OTOGL: variants seen among roughly 807,000 people sequenced by gnomAD.
OTOGL encodes the protein otogelin like.
Under a neutral mutation model 318.5 loss-of-function variants are expected in OTOGL, and 285 were observed. That is an observed-to-expected ratio of 0.89 (90% CI 0.81 to 0.99). The LOEUF (loss-of-function observed/expected upper bound fraction) is 0.99. Ranked by LOEUF, OTOGL falls within the 50% of genes least tolerant of loss-of-function variation. The pLI is 0.00. For synonymous variants in OTOGL, 987 were observed against 936.5 expected, an observed-to-expected ratio of 1.05 and a Z score of -0.99; for missense variants, 2,899 against 2,845.6, an observed-to-expected ratio of 1.02 and a Z score of -0.43.
chr12:80,350,419 G>T (rs529190187), intron 44 of OTOGL, among the ~76,000 whole-genome samples: 1 of 152,222 alleles, frequency 6.6e-6, no homozygotes, highest in Non-Finnish European at 1.5e-5. Flanking sequence ...GGATATGTAC[G>T]TAGTAGTAGG....
chr12:80,102,899 T>C, intron 1 of OTOGL: 1 of 809,970 alleles, frequency 1.2e-6, no homozygotes, highest in South Asian at 1.3e-5. Flanking sequence ...TATAAGATTA[T>C]TCCTCCATCT....
Position 80,258,022 on chromosome 12 carries a change from A to T in OTOGL, c.1889+20A>T. 8 of 1,555,216 alleles carry T rather than the reference A, an allele frequency of 5.1e-6. No individual in the cohort carries two copies. Among genetic ancestry groups the T allele is most frequent in the Non-Finnish European group, 6.0e-6 (7 of 1,161,296 alleles). On this transcript the variant is annotated intron_variant, in intron 18 of 58. Coordinates refer to ENST00000547103, the MANE Select transcript of OTOGL (RefSeq NM_001378609.3). ...TTTTCTGTAAGTATGATTTCTGCAT[A>T]GTTAACATACTTAATGACTGGTCAT...
rs562421352 is a variant in OTOGL at position 80,249,342 on chromosome 12, C to T, written c.1053-2351C>T. Among the ~76,000 whole-genome samples, 108 of 151,592 alleles carry T rather than the reference C, an allele frequency of 7.1e-4. 1 individual carries two copies. Among genetic ancestry groups the T allele is most frequent in the Middle Eastern group, 3.4e-3 (1 of 294 alleles). The stretch of plus-strand genomic sequence containing the variant: ...TGATGGTGATATACAGATGGGTTTT[C>T]GGTGTGGATGTCCTTTCTGTTTGTT... On this transcript the variant is annotated intron_variant, in intron 11 of 58. Coordinates refer to ENST00000547103, the MANE Select transcript of OTOGL (RefSeq NM_001378609.3).
chr12:80,302,725 T>C lies in OTOGL; in HGVS notation c.3155T>C (p.Ile1052Thr). The change falls in exon 28 of 59, where the codon ATC becomes ACC. Residue 1052 changes from isoleucine to threonine, a missense_variant. Ile to Thr is a moderately conservative substitution (Grantham distance 89). Transcript: ENST00000547103. ...YIVVYFPEKD[I>T]TILWDRKTTI... ...GTAGTATACTTTCCAGAGAAAGATA[T>C]CACTATTCTTTGGGATAGGAAGACA... 4.5e-6 allele frequency: 7 copies of C among 1,542,404 alleles called. No homozygotes were observed. The highest frequency in any genetic ancestry group is 6.1e-6 in the Non-Finnish European group (7 of 1,149,118).
At chr12:80,189,311 A>T (rs1295269898) in intron 1 of OTOGL, 4 of 507,816 alleles carry the variant, frequency 7.9e-6, no homozygotes, top group African/African-American at 2.1e-5. Context: ...TTTACTCAAC[A>T]TTGTCTTTAA....
At chr12:80,123,793 G>A (rs1222406686) in intron 1 of OTOGL, among the ~76,000 whole-genome samples, 1 of 152,146 alleles carries the variant, frequency 6.6e-6, no homozygotes, top group Non-Finnish European at 1.5e-5. Context: ...GGCCAGTGAT[G>A]ATGAGCATTT....
chr12:80,346,308 TAA>T (rs1889192873), intron 44 of OTOGL, among the ~76,000 whole-genome samples: 1 of 152,122 alleles, frequency 6.6e-6, no homozygotes, highest in African/African-American at 2.4e-5. Flanking sequence ...AACCTTGAGA[TAA>T]AGTTTCCCTT....
chr12:80,347,401 T>C (rs1566003003), intron 44 of OTOGL, among the ~76,000 whole-genome samples: 1 of 152,204 alleles, frequency 6.6e-6, no homozygotes, highest in Non-Finnish European at 1.5e-5. Context: ...TGTTTGGTTT[T>C]CCGTTCCTGT....
chr12:80,129,047 C>G (rs1266979820), intron 1 of OTOGL, among the ~76,000 whole-genome samples: 2 of 152,154 alleles, frequency 1.3e-5, no homozygotes, highest in African/African-American at 4.8e-5. Context: ...ACCCACTGTC[C>G]TGCACCCACT....
chr12:80,349,640 A>G (rs1171203862), intron 44 of OTOGL, among the ~76,000 whole-genome samples: 3 of 152,180 alleles, frequency 2.0e-5, no homozygotes, highest in Non-Finnish European at 4.4e-5. Flanking sequence ...AGGGTTTAGA[A>G]TATCAATTTC....
At chr12:80,325,535 A>G (rs536681583) in intron 35 of OTOGL, among the ~76,000 whole-genome samples, 2 of 152,360 alleles carry the variant, frequency 1.3e-5, no homozygotes, top group African/African-American at 4.8e-5. Flanking sequence ...CATTAGTGCC[A>G]GGGTTTGGAC....
At chr12:80,264,727 G>A (rs768336110) in intron 19 of OTOGL, among the ~76,000 whole-genome samples, 7 of 151,992 alleles carry the variant, frequency 4.6e-5, no homozygotes, top group Non-Finnish European at 7.4e-5. Context: ...TCATGCAATG[G>A]GATGGTTGAG....
intron 1 of OTOGL, among the ~76,000 whole-genome samples, chr12:80,176,512 T>C (rs769965667): frequency 1.3e-5 from 2 of 152,194 alleles, no homozygotes; most frequent in African/African-American, 2.4e-5. Context: ...TACAGTGTGT[T>C]CTCTTTTTTG....
intron 43 of OTOGL, 68 bp downstream of exon 43, chr12:80,339,332 G>A (rs1212398505): frequency 2.5e-6 from 3 of 1,183,730 alleles, no homozygotes; most frequent in South Asian, 1.5e-5. Context: ...TTCTATTCAC[G>A]CTATGCCATT....
In OTOGL at chr12:80,372,165, G is replaced by A. The variant is rs10778734; in HGVS notation, c.6781+101G>A. The stretch of plus-strand genomic sequence containing the variant: ...CAAAATTCAATTCCTATGATGCAAA[G>A]AGAGAAACAAATTTTATAAAATATT... On this transcript the variant is annotated intron_variant, in intron 57 of 58. Transcript: ENST00000547103. 607,525 of 762,732 alleles carry A rather than the reference G, an allele frequency of 0.8. 245,674 individuals are homozygous for A. The highest frequency in any genetic ancestry group is 0.84 in the Non-Finnish European group (440,670 of 526,400). The allele number at this position is 762,732 out of a possible 1,614,324, so 47.2% of individuals were successfully genotyped here.
intron 6 of OTOGL, among the ~76,000 whole-genome samples, chr12:80,221,553 GCCA>G (rs1451583502): frequency 6.6e-6 from 1 of 152,016 alleles, no homozygotes; most frequent in Non-Finnish European, 1.5e-5. Flanking sequence ...ACAGGTACAA[GCCA>G]CCACACCAGC....
intron 55 of OTOGL, among the ~76,000 whole-genome samples, chr12:80,369,816 A>C (rs1890771938): frequency 6.6e-6 from 1 of 152,038 alleles, no homozygotes; most frequent in African/African-American, 2.4e-5. Context: ...GAATAAAATG[A>C]AAAAGAGACG....
intron 1 of OTOGL, among the ~76,000 whole-genome samples, chr12:80,122,268 A>T (rs1030544232): frequency 6.6e-6 from 1 of 152,140 alleles, no homozygotes; most frequent in African/African-American, 2.4e-5. Flanking sequence ...AAAGAAATAA[A>T]TACACTGTCA....
chr12:80,229,449 G>A, intron 8 of OTOGL, 71 bp downstream of exon 8: 1 of 1,488,670 alleles, frequency 6.7e-7, no homozygotes, highest in South Asian at 1.2e-5. Context: ...TCACATGCTG[G>A]AAGTGAACTG....
Sources: gnomAD v4.1 joint callset for allele counts (sites outside exome capture counted in the v4.1 genomes callset) on GRCh38, gnomAD v4.1.1 for gene constraint, MANE v1.5 for transcripts, NCBI Gene and HGNC (gene_info 2026-07-23, HGNC 2026-07-21) for gene names.